Variants in MEGF10 observed in about 807,000 individuals in gnomAD.
MEGF10 encodes multiple epidermal growth factor-like domains protein 10.
MEGF10 carries 86 observed loss-of-function variants against 147.5 expected under a neutral mutation model. That is an observed-to-expected ratio of 0.58 (90% confidence interval 0.49 to 0.70). The LOEUF is 0.70. Ranked by LOEUF, MEGF10 falls within the 30% of genes least tolerant of loss-of-function variation. MEGF10 has a pLI of 0.00. For synonymous variants in MEGF10, 478 were observed against 525.5 expected (o/e 0.91, Z 1.24); for missense variants, 1,329 against 1,487.3 (o/e 0.89, Z 1.75).
At chr5:127,395,900 C>A (rs1459985265) in intron 5 of MEGF10, among the ~76,000 whole-genome samples, 1 of 152,118 alleles carries the variant, frequency 6.6e-6, no homozygotes, top group African/African-American at 2.4e-5. Flanking sequence ...CTGGCCCAGA[C>A]CTGTAGCAGG....
the MEGF10 span, among the ~76,000 whole-genome samples, chr5:127,231,572 A>G: frequency 6.8e-3 from 1,033 of 152,338 alleles, 10 homozygotes; most frequent in African/African-American, 0.023. Flanking sequence ...ACCATCTATA[A>G]TCTTCTTGAT....
the MEGF10 span, among the ~76,000 whole-genome samples, chr5:127,279,166 G>A: frequency 5.9e-5 from 9 of 152,080 alleles, no homozygotes; most frequent in African/African-American, 2.2e-4. Context: ...AAGGAGGGAG[G>A]CAAAGACTTA....
chr5:127,360,033 T>C (rs1239300193), intron 4 of MEGF10, among the ~76,000 whole-genome samples: 1 of 152,110 alleles, frequency 6.6e-6, no homozygotes, highest in Non-Finnish European at 1.5e-5. Context: ...ATCTTATTAA[T>C]AGAGTCATCT....
At chr5:127,379,368 A>G (rs1763163514) in intron 5 of MEGF10, among the ~76,000 whole-genome samples, 1 of 152,042 alleles carries the variant, frequency 6.6e-6, no homozygotes, top group Admixed American at 6.5e-5. Context: ...TTCCCCTTAC[A>G]GTTAGAATAC....
intron 1 of MEGF10, among the ~76,000 whole-genome samples, chr5:127,305,890 T>C (rs1322968421): frequency 5.3e-5 from 8 of 152,244 alleles, no homozygotes; most frequent in African/African-American, 1.9e-4. Flanking sequence ...TGAATTATAC[T>C]GCATTGCTAT....
At chr5:127,273,720 C>A in the MEGF10 span, among the ~76,000 whole-genome samples, 1 of 152,150 alleles carries the variant, frequency 6.6e-6, no homozygotes, top group Non-Finnish European at 1.5e-5. Flanking sequence ...ATACACACAG[C>A]TTCATTTGAA....
the MEGF10 span, among the ~76,000 whole-genome samples, chr5:127,249,899 T>C: frequency 5.9e-5 from 9 of 152,110 alleles, no homozygotes; most frequent in African/African-American, 9.7e-5. Context: ...GAGGCAACAC[T>C]GTTGTTCACA....
intron 5 of MEGF10, among the ~76,000 whole-genome samples, chr5:127,388,337 T>C (rs904115726): frequency 2.0e-5 from 3 of 151,652 alleles, no homozygotes; most frequent in Non-Finnish European, 4.4e-5. Flanking sequence ...TTTATAGAGA[T>C]GGGATTTCGC....
the MEGF10 span, among the ~76,000 whole-genome samples, chr5:127,239,141 C>T: frequency 3.9e-5 from 6 of 152,012 alleles, no homozygotes; most frequent in South Asian, 4.2e-4. Context: ...AAGACACAAA[C>T]GCTGAGGAAC....
intron 1 of MEGF10, among the ~76,000 whole-genome samples, chr5:127,304,155 C>T (rs1759905680): frequency 6.6e-6 from 1 of 152,214 alleles, no homozygotes; most frequent in Non-Finnish European, 1.5e-5. Context: ...AGCATACAAA[C>T]TCTGCCTTCC....
Position 127,340,520 on chromosome 5 carries a change from TTC to T in MEGF10, c.219-6_219-5del. On this transcript the variant is annotated splice_polypyrimidine_tract_variant and splice_region_variant and intron_variant, in intron 3 of 24. Coordinates refer to ENST00000503335, the MANE Select transcript of MEGF10 (RefSeq NM_001256545.2). ...ATTATGTTTAATAGCTAATTTTTCCTTCTCTATAGAGTCAGCTATCGGACAGC... is the reference window on the plus strand; with the variant it reads ...ATTATGTTTAATAGCTAATTTTTCCTTCTATAGAGTCAGCTATCGGACAGC... The T allele has an allele frequency of 6.2e-7, 1 of 1,607,022 alleles. No individual in the cohort carries two copies. Among genetic ancestry groups the T allele is most frequent in the Non-Finnish European group, 8.5e-7 (1 of 1,175,418 alleles).
At chr5:127,237,484 T>C in the MEGF10 span, among the ~76,000 whole-genome samples, 1 of 152,098 alleles carries the variant, frequency 6.6e-6, no homozygotes, top group Non-Finnish European at 1.5e-5. Context: ...AGAGCTAGAC[T>C]CTGTCTCCAA....
At chr5:127,419,939 T>C in intron 11 of MEGF10, 105 bp from the exon 12 acceptor site, 1 of 1,312,326 alleles carries the variant, frequency 7.6e-7, no homozygotes, top group Non-Finnish European at 1.0e-6. Flanking sequence ...TGGCTGGGGC[T>C]TGCATCTCCA....
At chr5:127,328,174 ATCGTCT>A (rs1561573779) in intron 1 of MEGF10, among the ~76,000 whole-genome samples, 4 of 152,122 alleles carry the variant, frequency 2.6e-5, no homozygotes, top group African/African-American at 9.7e-5. Flanking sequence ...TTCTCTCCTC[ATCGTCT>A]ATAACATCTG....
chr5:127,280,609 G>A, the MEGF10 span, among the ~76,000 whole-genome samples: 1 of 152,026 alleles, frequency 6.6e-6, no homozygotes, highest in Non-Finnish European at 1.5e-5. Context: ...TTATTAGCAG[G>A]GCTACTACAT....
At chr5:127,405,333 T>G (rs1404996629) in intron 8 of MEGF10, among the ~76,000 whole-genome samples, 1 of 152,184 alleles carries the variant, frequency 6.6e-6, no homozygotes, top group Non-Finnish European at 1.5e-5. Context: ...GCCTCCTGCC[T>G]CCAACTTAGA....
At chr5:127,246,355 C>G in the MEGF10 span, among the ~76,000 whole-genome samples, 1 of 152,010 alleles carries the variant, frequency 6.6e-6, no homozygotes, top group African/African-American at 2.4e-5. Flanking sequence ...AACACAGAAA[C>G]AGAGAACCAA....
chr5:127,336,704 C>T (rs1761484675), intron 2 of MEGF10, among the ~76,000 whole-genome samples: 1 of 152,086 alleles, frequency 6.6e-6, no homozygotes, highest in African/African-American at 2.4e-5. Context: ...TTTCTGGAAA[C>T]TCTGTATCAG....
the MEGF10 span, among the ~76,000 whole-genome samples, chr5:127,263,834 A>T: frequency 3.3e-5 from 5 of 152,198 alleles, no homozygotes; most frequent in Non-Finnish European, 2.9e-5. Flanking sequence ...CTTCAGTGAC[A>T]ATGATGGAGA....
Sources: allele counts gnomAD v4.1 joint callset (sites outside exome capture counted in the v4.1 genomes callset), GRCh38; gene constraint gnomAD v4.1.1; transcripts MANE v1.5; gene names NCBI Gene and HGNC (gene_info 2026-07-23, HGNC 2026-07-21).